The following MYO5A variants were observed in gnomAD, a reference collection of about 807,000 sequenced individuals.
MYO5A encodes unconventional myosin-Va.
In MYO5A, 98 loss-of-function variants were observed where a neutral mutation model predicts 249.7. The ratio of observed to expected loss-of-function variants is 0.39; its 90% confidence interval spans 0.33 to 0.46. The LOEUF is 0.46. Among genes scored for constraint, MYO5A ranks in the 20% least tolerant of loss-of-function variants. The pLI is 0.98. For missense variants in MYO5A, 1,696 were observed against 2,308.8 expected, an observed-to-expected ratio of 0.73 and a Z score of 5.44; for synonymous variants, 778 against 810.6, an observed-to-expected ratio of 0.96 and a Z score of 0.68.
rs556860360 is a variant in MYO5A, at chr15:52,474,296, A to T, written c.28-41011T>A. Among the ~76,000 whole-genome samples the T allele has an allele frequency of 9.4e-4, 143 of 152,300 alleles. 1 individual carries two copies. The highest frequency in any genetic ancestry group is 3.2e-3 in the African/African-American group (133 of 41,552). On this transcript the variant is annotated intron_variant, in intron 1 of 41. Transcript: ENST00000399233. ...GCTTAAGGAGATTTGGGGCTGAGAC[A>T]ATGGGGTTTTCTAAATATACAATCA...
At chr15:52,408,235 T>C (rs1443950534) in intron 6 of MYO5A, 95 bp from the exon 7 acceptor site, 4 of 728,528 alleles carry the variant, frequency 5.5e-6, no homozygotes, top group Admixed American at 2.3e-5. Context: ...ATTATCTCAG[T>C]TGGTTAAATA....
chr15:52,368,285 C>A (rs527765538), intron 22 of MYO5A, among the ~76,000 whole-genome samples: 13 of 152,216 alleles, frequency 8.5e-5, no homozygotes, highest in Admixed American at 5.9e-4. Context: ...ACTGACCTTG[C>A]CTTAACATCC....
At chr15:52,383,422 C>T (rs895394016) in intron 15 of MYO5A, among the ~76,000 whole-genome samples, 4 of 152,200 alleles carry the variant, frequency 2.6e-5, no homozygotes, top group Admixed American at 6.5e-5. Flanking sequence ...GATTCCTATA[C>T]TCCCACTCCT....
intron 1 of MYO5A, among the ~76,000 whole-genome samples, chr15:52,466,764 T>C (rs1243160588): frequency 6.6e-6 from 1 of 152,152 alleles, no homozygotes; most frequent in Non-Finnish European, 1.5e-5. Flanking sequence ...CACTCCAAGA[T>C]AGGGTGCAGG....
chr15:52,476,917 T>C (rs998837033), intron 1 of MYO5A, among the ~76,000 whole-genome samples: 5 of 152,196 alleles, frequency 3.3e-5, no homozygotes, highest in Admixed American at 6.5e-5. Context: ...TTCTCTGTAT[T>C]TCCTGAATTT....
At chr15:52,470,326 G>A (rs2076434307) in intron 1 of MYO5A, among the ~76,000 whole-genome samples, 1 of 152,126 alleles carries the variant, frequency 6.6e-6, no homozygotes. Context: ...TAGGTGGCCA[G>A]GGACATTGCC....
rs1277542760 is a variant in MYO5A, at chr15:52,397,368, T to C, written c.1152A>G (p.Thr384=). 12 of 1,614,114 alleles carry C rather than the reference T, an allele frequency of 7.4e-6. No individual in the cohort carries two copies. The highest frequency in any genetic ancestry group is 1.7e-5 in the Admixed American group (1 of 60,020). ...TGGAGATGGGCTTGATGTATGTCTC[T>C]GTGGCAGTAGCCAGTTTCCGATGGC... ...WLCHRKLATA[T]ETYIKPISKL... is the part of the protein sequence containing the mutation. The change falls in exon 10 of 42, where the codon ACA becomes ACG. Residue 384 remains threonine (T), a synonymous_variant. Transcript: ENST00000399233.
chr15:52,505,101 G>T (rs2077241014), intron 1 of MYO5A: 1 of 621,858 alleles, frequency 1.6e-6, no homozygotes, highest in Admixed American at 2.8e-5. Flanking sequence ...ATTTTCAAAT[G>T]CAACAAAAGG....
intron 2 of MYO5A, among the ~76,000 whole-genome samples, chr15:52,432,011 AAGAG>A (rs1369970100): frequency 6.6e-6 from 1 of 152,184 alleles, no homozygotes; most frequent in Non-Finnish European, 1.5e-5. Context: ...GACCCAATCT[AAGAG>A]AGATCTCAAT....
Position 52,397,369 on chromosome 15 carries a change from G to C in MYO5A, c.1151C>G (p.Thr384Arg). 1.2e-6 allele frequency: 2 copies of C among 1,614,082 alleles called. No homozygotes were observed. The highest frequency in any genetic ancestry group is 2.2e-5 in the South Asian group (2 of 91,076). The change falls in exon 10 of 42, where the codon ACA (threonine) becomes AGA (arginine). Residue 384 changes from threonine (T) to arginine (R), a missense_variant. By Grantham distance (71) the Thr-to-Arg change is moderately conservative. Coordinates refer to ENST00000399233, the MANE Select transcript of MYO5A (RefSeq NM_001382347.1). ...WLCHRKLATA[T>R]ETYIKPISKL... ...GGAGATGGGCTTGATGTATGTCTCTGTGGCAGTAGCCAGTTTCCGATGGCA... is the reference window on the plus strand; with the variant it reads ...GGAGATGGGCTTGATGTATGTCTCTCTGGCAGTAGCCAGTTTCCGATGGCA...
chr15:52,336,686 C>T (rs528195678), intron 33 of MYO5A, 130 bp from the exon 34 acceptor site: 1 of 714,560 alleles, frequency 1.4e-6, no homozygotes, highest in African/African-American at 1.8e-5. Flanking sequence ...GTGGAGCCAC[C>T]ACCTGGCTAA....
At chr15:52,405,051 T>A (rs905243051) in intron 9 of MYO5A, among the ~76,000 whole-genome samples, 19 of 140,190 alleles carry the variant, frequency 1.4e-4, no homozygotes, top group South Asian at 4.8e-4. Context: ...TCTCTCTCTG[T>A]CACACACACA....
chr15:52,374,585 TAGG>T (rs1380843317), intron 20 of MYO5A, among the ~76,000 whole-genome samples: 1 of 152,196 alleles, frequency 6.6e-6, no homozygotes, highest in Non-Finnish European at 1.5e-5. Flanking sequence ...AAGAGGCAGA[TAGG>T]AGAAGTCAAG....
intron 1 of MYO5A, among the ~76,000 whole-genome samples, chr15:52,437,468 G>T (rs1226720285): frequency 6.6e-6 from 1 of 151,874 alleles, no homozygotes. Context: ...GGTGGTTCGT[G>T]CCTGTAACCC....
intron 24 of MYO5A, among the ~76,000 whole-genome samples, chr15:52,363,734 T>C (rs144690022): frequency 6.6e-6 from 1 of 152,342 alleles, no homozygotes; most frequent in East Asian, 1.9e-4. Context: ...GGGAACTCTT[T>C]GTTTCCTGAT....
chr15:52,441,283 A>G (rs1427161536), intron 1 of MYO5A, among the ~76,000 whole-genome samples: 1 of 152,134 alleles, frequency 6.6e-6, no homozygotes, highest in African/African-American at 2.4e-5. Flanking sequence ...TATTTTTTAA[A>G]TTTGTTATGA....
At chr15:52,442,723 C>G (rs1336702109) in intron 1 of MYO5A, among the ~76,000 whole-genome samples, 3 of 151,882 alleles carry the variant, frequency 2.0e-5, no homozygotes, top group African/African-American at 7.3e-5. Flanking sequence ...TCTTTCTACT[C>G]CACTATGCCC....
intron 7 of MYO5A, 130 bp from the exon 8 acceptor site, chr15:52,407,529 T>C: frequency 2.1e-6 from 1 of 481,886 alleles, no homozygotes; most frequent in South Asian, 3.9e-5. Flanking sequence ...ACTGCCTGTG[T>C]TTTCAATTGT....
At chr15:52,475,508 T>A (rs2141469888) in intron 1 of MYO5A, among the ~76,000 whole-genome samples, 1 of 152,364 alleles carries the variant, frequency 6.6e-6, no homozygotes, top group South Asian at 2.1e-4. Flanking sequence ...CTTTCCTGGT[T>A]TCTCTTGTGG....
Sources: allele counts gnomAD v4.1 joint callset (sites outside exome capture counted in the v4.1 genomes callset), GRCh38; gene constraint gnomAD v4.1.1; transcripts MANE v1.5; gene names NCBI Gene and HGNC (gene_info 2026-07-23, HGNC 2026-07-21).